Variants in TBC1D2B observed in about 807,000 individuals in gnomAD.
TBC1D2B encodes the protein TBC1 domain family member 2B.
A neutral mutation model predicts 100.8 loss-of-function variants in TBC1D2B; 64 were observed. The ratio of observed to expected loss-of-function variants is 0.64; its 90% CI spans 0.52 to 0.78. The LOEUF is 0.78. Among genes scored for constraint, TBC1D2B ranks in the 30% least tolerant of loss-of-function variants. The probability of loss-of-function intolerance (pLI) is 0.00; values close to 1 mark genes in which losing one functional copy is unlikely to be tolerated. For synonymous variants in TBC1D2B, 480 were observed against 479.7 expected, an observed-to-expected ratio of 1.00 and a Z score of -0.01; for missense variants, 1,052 against 1,218.4, an observed-to-expected ratio of 0.86 and a Z score of 2.03.
chr15:78,048,670 G>A (rs980905819), intron 2 of TBC1D2B, among the ~76,000 whole-genome samples: 1 of 152,158 alleles, frequency 6.6e-6, no homozygotes, highest in Admixed American at 6.5e-5. Context: ...TGTGAACCCG[G>A]GCAGTCTCAG....
chr15:78,066,260 T>C (rs577637437), intron 1 of TBC1D2B: 2 of 334,886 alleles, frequency 6.0e-6, no homozygotes, highest in African/African-American at 2.1e-5. Flanking sequence ...AAAGAAGATA[T>C]GCAGCTATAA....
At chr15:78,077,266 G>A (rs1196450674) in intron 1 of TBC1D2B, 27 bp downstream of exon 1, 2 of 1,407,780 alleles carry the variant, frequency 1.4e-6, no homozygotes, top group Non-Finnish European at 1.8e-6. Context: ...GGAAGCGCGC[G>A]GGCGGCTTTG....
At chr15:78,068,514 A>G (rs1244601524) in intron 1 of TBC1D2B, among the ~76,000 whole-genome samples, 1 of 152,180 alleles carries the variant, frequency 6.6e-6, no homozygotes, top group East Asian at 1.9e-4. Flanking sequence ...AGTGAAATAC[A>G]CTGACAAAAT....
At chr15:78,000,471 C>T (rs1203471189) in intron 12 of TBC1D2B, among the ~76,000 whole-genome samples, 1 of 152,258 alleles carries the variant, frequency 6.6e-6, no homozygotes, top group African/African-American at 2.4e-5. Context: ...AGAAACCCTC[C>T]AGGCTCACCG....
intron 1 of TBC1D2B, 62 bp from the exon 2 acceptor site, chr15:78,054,249 A>G: frequency 6.6e-7 from 1 of 1,510,124 alleles, no homozygotes; most frequent in Non-Finnish European, 8.9e-7. Context: ...CTTAAAAAAT[A>G]TTATGTCTCA....
intron 9 of TBC1D2B, among the ~76,000 whole-genome samples, chr15:78,009,401 G>A (rs764046651): frequency 7.2e-5 from 11 of 152,126 alleles, no homozygotes; most frequent in Non-Finnish European, 1.6e-4. Flanking sequence ...TCAGCCAGGA[G>A]TAGCGACGCA....
chr15:78,052,907 T>C (rs1050957984), intron 2 of TBC1D2B, among the ~76,000 whole-genome samples: 3 of 152,080 alleles, frequency 2.0e-5, no homozygotes, highest in African/African-American at 2.4e-5. Context: ...AAGTTGAAAA[T>C]AAAGGCATGA....
intron 1 of TBC1D2B, among the ~76,000 whole-genome samples, chr15:78,059,195 G>A (rs895556823): frequency 6.6e-6 from 1 of 152,200 alleles, no homozygotes; most frequent in African/African-American, 2.4e-5. Flanking sequence ...CCCTCCCATG[G>A]AGGTGAGGGC....
At chr15:78,007,805 A>T (rs2072107053) in intron 10 of TBC1D2B, among the ~76,000 whole-genome samples, 1 of 152,148 alleles carries the variant, frequency 6.6e-6, no homozygotes, top group African/African-American at 2.4e-5. Flanking sequence ...GGCACAGAGG[A>T]CCCACCGGAC....
Position 78,034,689 on chromosome 15 carries a change from C to T in TBC1D2B, c.684-4519G>A, listed in dbSNP as rs1013284692. ...TGAGTCGTACGCTGCCGTGCTCTCACCTGCAGCTGAGGGACAGCCTTGCTG... is the reference window on the plus strand; with the variant it reads ...TGAGTCGTACGCTGCCGTGCTCTCATCTGCAGCTGAGGGACAGCCTTGCTG... On this transcript the variant is annotated intron_variant, in intron 3 of 12. Coordinates refer to ENST00000300584, the MANE Select transcript of TBC1D2B (RefSeq NM_144572.2). 4.9e-5 allele frequency: 48 copies of T among 985,334 alleles called. No individual in the cohort carries two copies. In the African/African-American group the frequency reaches 7.2e-4, roughly 15 times the overall value. The allele number at this position is 985,334 out of a possible 1,614,324, so 61.0% of individuals were successfully genotyped here. A position where few individuals can be genotyped will look rare whatever the true frequency, so the allele number is the denominator to read the frequency against.
At chr15:78,048,874 A>G (rs976752977) in intron 2 of TBC1D2B, among the ~76,000 whole-genome samples, 29 of 152,212 alleles carry the variant, frequency 1.9e-4, no homozygotes, top group Admixed American at 9.8e-4. Flanking sequence ...CAGAGCACAG[A>G]ACTGTGTACA....
chr15:78,045,675 G>A (rs947567677), intron 2 of TBC1D2B, among the ~76,000 whole-genome samples: 1 of 152,084 alleles, frequency 6.6e-6, no homozygotes, highest in Non-Finnish European at 1.5e-5. Context: ...TAGTTAAGGT[G>A]GAAATGATAT....
chr15:78,076,472 C>T (rs537560417), intron 1 of TBC1D2B, among the ~76,000 whole-genome samples: 1 of 152,310 alleles, frequency 6.6e-6, no homozygotes, highest in African/African-American at 2.4e-5. Flanking sequence ...GCTAAATGCA[C>T]TCTGGCTCAC....
intron 3 of TBC1D2B, among the ~76,000 whole-genome samples, chr15:78,042,686 G>A (rs1438536085): frequency 6.6e-6 from 1 of 152,184 alleles, no homozygotes; most frequent in Non-Finnish European, 1.5e-5. Context: ...AGGGCAGACA[G>A]GCACATGGTG....
chr15:78,061,445 T>C (rs1294271253), intron 1 of TBC1D2B, among the ~76,000 whole-genome samples: 3 of 151,900 alleles, frequency 2.0e-5, no homozygotes, highest in African/African-American at 4.8e-5. Context: ...TGGTGGTGCA[T>C]GCCTGTAGTC....
chr15:78,027,117 T>G (rs981818018), intron 4 of TBC1D2B, among the ~76,000 whole-genome samples: 1 of 151,832 alleles, frequency 6.6e-6, no homozygotes, highest in South Asian at 2.1e-4. Flanking sequence ...GAAATATATA[T>G]ACTCACATTA....
chr15:78,001,963 G>A (rs28647720), intron 11 of TBC1D2B: 9,689 of 387,378 alleles, frequency 0.025, 433 homozygotes, highest in African/African-American at 0.12. Context: ...CAACACATCA[G>A]CCCAAACCAA....
chr15:78,006,130 AT>A (rs1346366725), intron 10 of TBC1D2B, among the ~76,000 whole-genome samples: 17 of 152,238 alleles, frequency 1.1e-4, no homozygotes, highest in African/African-American at 4.1e-4. Context: ...CTGGGTTGTG[AT>A]CTACTACATG....
rs775614174 is a variant in TBC1D2B, at chr15:78,013,061, G to A, written c.2032C>T (p.Arg678Cys). 1.3e-5 allele frequency: 21 copies of A among 1,613,848 alleles called. No homozygotes were observed. The highest frequency in any genetic ancestry group is 4.0e-5 in the African/African-American group (3 of 74,914). Residue 678 changes from arginine to cysteine, a missense_variant, in exon 9 of 13, where the codon CGT (arginine) becomes TGT (cysteine). Physicochemically the swap from Arg to Cys is radical, Grantham distance 180 (BLOSUM62 -3). This residue lies in a region of TBC1D2B where 373 missense variants were observed against 464.9 expected (regional missense o/e 0.80). Coordinates refer to ENST00000300584, the MANE Select transcript of TBC1D2B (RefSeq NM_144572.2). ...RSKVWKWCVD[R>C]HTRKFKDNTE... ...TTGTCCTTGAACTTCCTGGTGTGAC[G>A]GTCCACACACCACTTCCACACCTTG...
Sources: gnomAD v4.1 joint callset for allele counts (sites outside exome capture counted in the v4.1 genomes callset) on GRCh38, gnomAD v4.1.1 for gene constraint, gnomAD v4.1.1 regional missense constraint, MANE v1.5 for transcripts, NCBI Gene and HGNC (gene_info 2026-07-23, HGNC 2026-07-21) for gene names.